The following FRMD3 variants were observed in gnomAD, a reference collection of about 807,000 sequenced individuals.
FRMD3 encodes FERM domain containing 3.
FRMD3 carries 33 observed loss-of-function variants against 70.2 expected under a neutral mutation model. The observed-to-expected ratio is 0.47, with a 90% CI of 0.36 to 0.63. The LOEUF (loss-of-function observed/expected upper bound fraction) is 0.63. Among genes scored for constraint, FRMD3 ranks in the 20% least tolerant of loss-of-function variants. FRMD3 has a pLI of 0.00. For missense variants in FRMD3, 632 were observed against 711.4 expected (o/e 0.89, Z 1.27); for synonymous variants, 279 against 255.9 (o/e 1.09, Z -0.86).
intron 5 of FRMD3, among the ~76,000 whole-genome samples, chr9:83,342,941 G>C (rs900147102): frequency 1.3e-5 from 2 of 152,138 alleles, no homozygotes; most frequent in East Asian, 3.9e-4. Flanking sequence ...TTTTGACTCT[G>C]ACTCATGGGA....
chr9:83,570,822 C>T, the FRMD3 span, among the ~76,000 whole-genome samples: 154 of 152,184 alleles, frequency 1.0e-3, no homozygotes, highest in African/African-American at 3.2e-3. Context: ...AATCGGCTTC[C>T]GTAATCTAGG....
At chr9:83,428,967 A>G (rs757693440) in intron 1 of FRMD3, among the ~76,000 whole-genome samples, 1 of 152,322 alleles carries the variant, frequency 6.6e-6, no homozygotes, top group South Asian at 2.1e-4. Context: ...ACACACGCAC[A>G]CACACACACA....
At chr9:83,490,798 T>TCTCA (rs752047493) in intron 1 of FRMD3, among the ~76,000 whole-genome samples, 7,613 of 110,338 alleles carry the variant, frequency 0.069, 310 homozygotes, top group Non-Finnish European at 0.099. Flanking sequence ...TCTCTCTCTC[T>TCTCA]CACACACACA....
chr9:83,321,892 T>C (rs559794645), intron 6 of FRMD3, among the ~76,000 whole-genome samples: 1 of 152,280 alleles, frequency 6.6e-6, no homozygotes, highest in East Asian at 1.9e-4. Context: ...AATTGTTATA[T>C]CCTCTTGAGT....
chr9:83,523,570 G>A (rs940707149), intron 1 of FRMD3, among the ~76,000 whole-genome samples: 2 of 152,184 alleles, frequency 1.3e-5, no homozygotes, highest in African/African-American at 4.8e-5. Flanking sequence ...AACAATATAT[G>A]TTGAATAATC....
intron 13 of FRMD3, 78 bp from the exon 14 acceptor site, chr9:83,248,594 C>G (rs1168448484): frequency 7.0e-7 from 1 of 1,420,252 alleles, no homozygotes; most frequent in Non-Finnish European, 9.4e-7. Flanking sequence ...AACAGAAAAA[C>G]AAAAAACTAA....
the FRMD3 span, among the ~76,000 whole-genome samples, chr9:83,559,289 G>A: frequency 2.6e-5 from 4 of 152,186 alleles, no homozygotes; most frequent in African/African-American, 9.7e-5. Context: ...CCAGCAAAAA[G>A]ATTATGACTC....
chr9:83,460,745 T>C (rs1827945489), intron 1 of FRMD3, among the ~76,000 whole-genome samples: 1 of 152,242 alleles, frequency 6.6e-6, no homozygotes, highest in African/African-American at 2.4e-5. Flanking sequence ...TTCCATCTGT[T>C]TTTCCCTTGC....
At chr9:83,459,556 G>A (rs1173965732) in intron 1 of FRMD3, among the ~76,000 whole-genome samples, 1 of 152,230 alleles carries the variant, frequency 6.6e-6, no homozygotes, top group African/African-American at 2.4e-5. Context: ...CTGTGCACAT[G>A]CACAGTTCAC....
intron 6 of FRMD3, among the ~76,000 whole-genome samples, chr9:83,333,181 T>C (rs1287369022): frequency 6.6e-6 from 1 of 152,176 alleles, no homozygotes; most frequent in South Asian, 2.1e-4. Context: ...ACAGAACTAC[T>C]TAGAATGAGC....
chr9:83,299,902 C>T (rs972411261), intron 10 of FRMD3, among the ~76,000 whole-genome samples: 3 of 152,180 alleles, frequency 2.0e-5, no homozygotes, highest in East Asian at 1.9e-4. Flanking sequence ...CCTGGGCTGC[C>T]GGAAGGCTGC....
chr9:83,413,719 C>T (rs2131343737), intron 1 of FRMD3, among the ~76,000 whole-genome samples: 1 of 152,218 alleles, frequency 6.6e-6, no homozygotes, highest in Non-Finnish European at 1.5e-5. Flanking sequence ...ATCAGAAATC[C>T]ATGGGCATAA....
In FRMD3 at chr9:83,537,947, G is replaced by A. The variant is rs1829935253; in HGVS notation, c.147+138C>T. Reference sequence around the variant, plus strand: ...TAAGGCCCCCCACCCTCAGAGGCCTGAGGAATCGAAATCTGGCTTTCTAGC... The same window carrying A: ...TAAGGCCCCCCACCCTCAGAGGCCTAAGGAATCGAAATCTGGCTTTCTAGC... On this transcript the variant is annotated intron_variant, in intron 1 of 13. Transcript: ENST00000304195. This position sits in a 1 kb window ranked among gnomAD's most constrained non-coding sequence, Gnocchi z 4.1. 2 of 972,480 alleles carry A rather than the reference G, an allele frequency of 2.1e-6. No homozygotes were observed. The highest frequency in any genetic ancestry group is 3.0e-6 in the Non-Finnish European group (2 of 664,208). 60.2% of individuals were successfully genotyped at this position (972,480 alleles called of 1,614,324 possible). A position where few individuals can be genotyped will look rare whatever the true frequency, so the allele number is the denominator to read the frequency against.
intron 6 of FRMD3, among the ~76,000 whole-genome samples, chr9:83,315,160 T>A (rs1196911700): frequency 1.3e-5 from 2 of 152,174 alleles, no homozygotes; most frequent in African/African-American, 4.8e-5. Context: ...CTCTTATCCC[T>A]CTGAGGGTAC....
the FRMD3 span, among the ~76,000 whole-genome samples, chr9:83,559,735 T>C: frequency 6.6e-6 from 1 of 152,228 alleles, no homozygotes. Flanking sequence ...AAGTTATACA[T>C]AAATTTGTCA....
At chr9:83,522,862 C>T (rs1307903561) in intron 1 of FRMD3, among the ~76,000 whole-genome samples, 1 of 152,034 alleles carries the variant, frequency 6.6e-6, no homozygotes, top group Non-Finnish European at 1.5e-5. Context: ...CGCGCCCAGC[C>T]CGATATATTT....
At chr9:83,291,115 A>C (rs1834403077) in intron 12 of FRMD3, among the ~76,000 whole-genome samples, 1 of 152,222 alleles carries the variant, frequency 6.6e-6, no homozygotes, top group South Asian at 2.1e-4. Flanking sequence ...GAAATTTAAC[A>C]ACCACCAACA....
chr9:83,308,623 C>T (rs929566101), intron 10 of FRMD3, among the ~76,000 whole-genome samples: 2 of 152,130 alleles, frequency 1.3e-5, no homozygotes, highest in African/African-American at 4.8e-5. Flanking sequence ...AGTCAGCAAG[C>T]GTCTCTCAGA....
intron 5 of FRMD3, among the ~76,000 whole-genome samples, chr9:83,337,216 C>G (rs986917798): frequency 2.0e-5 from 3 of 152,114 alleles, no homozygotes; most frequent in Admixed American, 2.0e-4. Context: ...TTCTTCCCAC[C>G]CTTGAAGTGC....
Sources: gnomAD v4.1 joint callset for allele counts (sites outside exome capture counted in the v4.1 genomes callset) on GRCh38, gnomAD v4.1.1 for gene constraint, Gnocchi (gnomAD v3.1) non-coding constraint, MANE v1.5 for transcripts, NCBI Gene and HGNC (gene_info 2026-07-23, HGNC 2026-07-21) for gene names.